The following CARNMT1 variants were observed in gnomAD, a reference collection of about 807,000 sequenced individuals.
CARNMT1 encodes the protein carnosine N-methyltransferase 1.
In CARNMT1, 28 loss-of-function variants were observed where a neutral mutation model predicts 49.6. That is an observed-to-expected ratio of 0.56 (90% confidence interval 0.42 to 0.77). The LOEUF is 0.77. CARNMT1 is among the 30% of genes least tolerant of loss of function. The probability of loss-of-function intolerance (pLI) is 0.00; values close to 1 mark genes in which losing one functional copy is unlikely to be tolerated. For synonymous variants in CARNMT1, 178 were observed against 175.0 expected, an observed-to-expected ratio of 1.02 and a Z score of -0.13; for missense variants, 421 against 512.6, an observed-to-expected ratio of 0.82 and a Z score of 1.73.
intron 3 of CARNMT1, among the ~76,000 whole-genome samples, chr9:75,014,505 G>A (rs192851676): frequency 7.2e-5 from 11 of 152,200 alleles, no homozygotes; most frequent in African/African-American, 2.6e-4. Flanking sequence ...TTTCTCAATG[G>A]TTTCAGACAC....
intron 1 of CARNMT1, among the ~76,000 whole-genome samples, chr9:75,025,183 C>T (rs1822487887): frequency 6.6e-6 from 1 of 152,182 alleles, no homozygotes; most frequent in Non-Finnish European, 1.5e-5. Flanking sequence ...TTCTTGGGAG[C>T]ACCTGCAGCA....
intron 1 of CARNMT1, among the ~76,000 whole-genome samples, chr9:75,021,798 C>T (rs532219648): frequency 6.6e-6 from 1 of 151,868 alleles, no homozygotes; most frequent in Admixed American, 6.6e-5. Context: ...ATGAGCCAGG[C>T]GTGGTGGTGC....
intron 3 of CARNMT1, among the ~76,000 whole-genome samples, chr9:75,015,313 T>TATCC (rs1250470548): frequency 6.6e-6 from 1 of 152,230 alleles, no homozygotes; most frequent in Non-Finnish European, 1.5e-5. Context: ...AAACAGTGTA[T>TATCC]ATCCCATTCA....
At chr9:74,990,702 G>A (rs542728696) in intron 6 of CARNMT1, among the ~76,000 whole-genome samples, 1 of 152,260 alleles carries the variant, frequency 6.6e-6, no homozygotes, top group East Asian at 1.9e-4. Context: ...AATAATGGCT[G>A]GTCAGACAAA....
In CARNMT1 at chr9:75,028,238, G is replaced by C. The variant is rs1822591150; in HGVS notation, c.4C>G (p.Gln2Glu). The change falls in exon 1 of 8, where the codon CAG becomes GAG. Residue 2 changes from glutamine (Q) to glutamate (E), a missense_variant. Transcript: ENST00000376834. ...GGCGGCGGAGGGCGACGCCGTCGCT[G>C]CATCGCCGCCGCGGCCCTCGGCCTG... M[Q>E]RRRRPPPPTS... 22 of 1,378,656 alleles carry C rather than the reference G, an allele frequency of 1.6e-5. No individual in the cohort carries two copies. The highest frequency in any genetic ancestry group is 2.1e-5 in the Non-Finnish European group (22 of 1,070,020). The allele number at this position is 1,378,656 out of a possible 1,614,324, so 85.4% of individuals were successfully genotyped here.
At chr9:75,016,475 C>T in intron 2 of CARNMT1, 44 bp from the exon 3 acceptor site, 1 of 1,589,484 alleles carries the variant, frequency 6.3e-7, no homozygotes, top group Non-Finnish European at 8.6e-7. Flanking sequence ...GAGAGTAATC[C>T]ACTTATATTA....
intron 3 of CARNMT1, among the ~76,000 whole-genome samples, chr9:75,002,200 G>T (rs187103548): frequency 6.6e-6 from 1 of 152,272 alleles, no homozygotes; most frequent in African/African-American, 2.4e-5. Flanking sequence ...CAACCTTTCT[G>T]CTCCAGCTTT....
chr9:75,001,143 T>C (rs931549178), intron 3 of CARNMT1, among the ~76,000 whole-genome samples: 29 of 152,296 alleles, frequency 1.9e-4, no homozygotes, highest in African/African-American at 6.7e-4. Flanking sequence ...TTTAATTATC[T>C]GATCAAACTC....
intron 3 of CARNMT1, among the ~76,000 whole-genome samples, chr9:75,010,667 C>CA (rs1833665006): frequency 6.6e-6 from 1 of 152,046 alleles, no homozygotes; most frequent in Non-Finnish European, 1.5e-5. Context: ...AGAGACATAG[C>CA]AAAGAATTTC....
At chr9:74,984,848 A>T in intron 7 of CARNMT1, 59 bp downstream of exon 7, 1 of 1,084,868 alleles carries the variant, frequency 9.2e-7, no homozygotes. Flanking sequence ...CATGATATCA[A>T]CACTTCTGTT....
chr9:75,015,383 A>G (rs1439961314), intron 3 of CARNMT1, among the ~76,000 whole-genome samples: 1 of 152,208 alleles, frequency 6.6e-6, no homozygotes, highest in African/African-American at 2.4e-5. Context: ...AAAGTGATAT[A>G]TGATTTAAAA....
At chr9:75,000,377 A>T (rs1173493487) in intron 3 of CARNMT1, among the ~76,000 whole-genome samples, 1 of 152,214 alleles carries the variant, frequency 6.6e-6, no homozygotes, top group East Asian at 1.9e-4. Context: ...TTTAGTTGAC[A>T]GAAGAATTTG....
intron 1 of CARNMT1, among the ~76,000 whole-genome samples, chr9:75,020,426 C>T (rs1822312985): frequency 6.6e-6 from 1 of 151,822 alleles, no homozygotes. Context: ...CGCCACCATG[C>T]CCAGCTGATT....
chr9:74,984,990 C>G lies in CARNMT1; in HGVS notation c.1045G>C (p.Glu349Gln), dbSNP rs1187039842. The change falls in exon 7 of 8, where the codon GAA (glutamate) becomes CAA (glutamine). Residue 349 changes from glutamate (E) to glutamine (Q), a missense_variant. Around this residue, in one of 2 missense-constraint regions of CARNMT1, gnomAD observed 235 missense variants for 344.8 expected, o/e 0.68. Coordinates refer to ENST00000376834, the MANE Select transcript of CARNMT1 (RefSeq NM_152420.3). ...ATGGAAAGTTCATTTGCCAGATTTT[C>G]AAAGTGGTACAGCAGAGGACCTATG... Reference protein sequence around the residue: ...INLGPLLYHFENLANELSIEL... With the variant: ...INLGPLLYHFQNLANELSIEL... The G allele has an allele frequency of 6.2e-7, 1 of 1,613,292 alleles. No individual in the cohort carries two copies. The highest frequency in any genetic ancestry group is 8.5e-7 in the Non-Finnish European group (1 of 1,179,520).
intron 1 of CARNMT1, among the ~76,000 whole-genome samples, chr9:75,020,973 G>A (rs909256240): frequency 6.6e-6 from 1 of 152,110 alleles, no homozygotes; most frequent in African/African-American, 2.4e-5. Context: ...ACAGAAGCAA[G>A]ATAAGAATGA....
chr9:75,017,194 A>T lies in CARNMT1; in HGVS notation c.426+59T>A, dbSNP rs750953509. 4 of 1,290,114 alleles carry T rather than the reference A, an allele frequency of 3.1e-6. No individual in the cohort carries two copies. The East Asian group carries it at 9.3e-5, about 30-fold the overall frequency. The allele number at this position is 1,290,114 out of a possible 1,614,324, so 79.9% of individuals were successfully genotyped here. ...AAAAATGAAATCCAGAAAATAAAAG[A>T]CCTCAAAATACAGAGGTTGACCCTA... On this transcript the variant is annotated intron_variant, in intron 2 of 7. Transcript: ENST00000376834.
chr9:75,002,539 T>C (rs1833392132), intron 3 of CARNMT1, among the ~76,000 whole-genome samples: 1 of 152,116 alleles, frequency 6.6e-6, no homozygotes, highest in South Asian at 2.1e-4. Context: ...ATGAAAAACA[T>C]CTCATTAATA....
chr9:75,020,267 C>CTTA, intron 1 of CARNMT1, among the ~76,000 whole-genome samples: 1 of 124,282 alleles, frequency 8.0e-6, no homozygotes, highest in African/African-American at 3.0e-5. Context: ...CATTTTTCTT[C>CTTA]TTTTTTTTTT....
At chr9:75,017,074 G>A (rs1338460620) in intron 2 of CARNMT1, 179 bp downstream of exon 2, 4 of 551,432 alleles carry the variant, frequency 7.3e-6, no homozygotes, top group Middle Eastern at 4.6e-4. Context: ...GAAAACAAGT[G>A]AACAGATCCA....
Sources: gnomAD v4.1 joint callset for allele counts (sites outside exome capture counted in the v4.1 genomes callset) on GRCh38, gnomAD v4.1.1 for gene constraint, gnomAD v4.1.1 regional missense constraint, MANE v1.5 for transcripts, NCBI Gene and HGNC (gene_info 2026-07-23, HGNC 2026-07-21) for gene names.